AUTS2: variants seen among roughly 807,000 people sequenced by gnomAD.
AUTS2 encodes autism susceptibility gene 2 protein.
AUTS2 carries 17 observed loss-of-function variants against 112.4 expected under a neutral mutation model. The ratio of observed to expected loss-of-function variants is 0.15; its 90% CI spans 0.10 to 0.23. The LOEUF is 0.23. Among genes scored for constraint, AUTS2 ranks in the 10% least tolerant of loss-of-function variants. AUTS2 has a pLI of 1.00. For synonymous variants in AUTS2, 751 were observed against 702.7 expected (o/e 1.07, Z -1.09); for missense variants, 1,510 against 1,701.6 (o/e 0.89, Z 1.98).
At chr7:70,579,543 A>G (rs2129526925) in intron 5 of AUTS2, among the ~76,000 whole-genome samples, 1 of 152,304 alleles carries the variant, frequency 6.6e-6, no homozygotes, top group African/African-American at 2.4e-5. Context: ...ATATTTACCC[A>G]TGGAACATTC....
intron 4 of AUTS2, among the ~76,000 whole-genome samples, chr7:70,345,725 CG>C (rs1791465559): frequency 6.6e-6 from 1 of 152,188 alleles, no homozygotes; most frequent in Non-Finnish European, 1.5e-5. Flanking sequence ...TTGTATTACT[CG>C]CCAAGACTCT....
intron 4 of AUTS2, among the ~76,000 whole-genome samples, chr7:70,365,177 T>C (rs1792510426): frequency 6.6e-6 from 1 of 152,266 alleles, no homozygotes; most frequent in Non-Finnish European, 1.5e-5. Flanking sequence ...TCTCCCCTAG[T>C]ATCTTTACTA....
chr7:70,747,473 T>C (rs1217265554), intron 6 of AUTS2, among the ~76,000 whole-genome samples: 1 of 152,204 alleles, frequency 6.6e-6, no homozygotes, highest in Admixed American at 6.5e-5. Context: ...TATTATTTAT[T>C]TTTGAGACGG....
At chr7:70,415,268 G>A (rs968004899) in intron 4 of AUTS2, among the ~76,000 whole-genome samples, 11 of 152,288 alleles carry the variant, frequency 7.2e-5, no homozygotes, top group South Asian at 4.1e-4. Context: ...ACCACTAGCC[G>A]TAGAGCCTTG....
chr7:70,601,589 G>A (rs578016033), intron 5 of AUTS2, among the ~76,000 whole-genome samples: 2 of 152,290 alleles, frequency 1.3e-5, no homozygotes, highest in East Asian at 3.9e-4. Flanking sequence ...AGAAAGACAC[G>A]GTGTGACTTG....
rs1259070933 is a variant in AUTS2 at position 70,456,886 on chromosome 7, G to A, written c.690+21105G>A. On this transcript the variant is annotated intron_variant, in intron 5 of 18. Transcript: ENST00000342771. ...GGAGTGTGAAGTGTGACTTGCTTGG[G>A]CCCCTGCAGCCTTGCCTCCCTGCAG... 1.3e-5 allele frequency among the ~76,000 whole-genome samples: 2 copies of A among 152,196 alleles called. 1 individual carries two copies. Among genetic ancestry groups the A allele is most frequent in the Non-Finnish European group, 2.9e-5 (2 of 68,034 alleles).
At chr7:70,371,523 T>C (rs1355033256) in intron 4 of AUTS2, among the ~76,000 whole-genome samples, 1 of 152,216 alleles carries the variant, frequency 6.6e-6, no homozygotes, top group Non-Finnish European at 1.5e-5. Context: ...GTGTGGTTCA[T>C]AAAATCAATT....
chr7:70,585,071 A>T (rs941903996), intron 5 of AUTS2, among the ~76,000 whole-genome samples: 1 of 152,160 alleles, frequency 6.6e-6, no homozygotes, highest in Non-Finnish European at 1.5e-5. Flanking sequence ...CACTATTTCA[A>T]ATCTGAGGGG....
intron 6 of AUTS2, among the ~76,000 whole-genome samples, chr7:70,715,049 T>A (rs1406248714): frequency 6.6e-6 from 1 of 152,232 alleles, no homozygotes; most frequent in Non-Finnish European, 1.5e-5. Context: ...TATTCCACAT[T>A]TATTGGCTGA....
At chr7:70,738,235 C>G (rs1487275646) in intron 6 of AUTS2, among the ~76,000 whole-genome samples, 4 of 152,094 alleles carry the variant, frequency 2.6e-5, no homozygotes, top group African/African-American at 4.8e-5. Flanking sequence ...ACAAATGACC[C>G]GTTCTCACTG....
intron 1 of AUTS2, among the ~76,000 whole-genome samples, chr7:69,729,200 AATAC>A (rs908225257): frequency 2.0e-5 from 3 of 152,136 alleles, no homozygotes; most frequent in African/African-American, 7.2e-5. Flanking sequence ...ATACATATAT[AATAC>A]ATACATATGT....
intron 4 of AUTS2, among the ~76,000 whole-genome samples, chr7:70,421,085 C>G (rs1795198323): frequency 6.6e-6 from 1 of 151,996 alleles, no homozygotes; most frequent in Non-Finnish European, 1.5e-5. Context: ...TCACCTTTAG[C>G]TAAATAGGGG....
intron 4 of AUTS2, among the ~76,000 whole-genome samples, chr7:70,170,711 G>A (rs1477049004): frequency 2.0e-5 from 3 of 151,190 alleles, no homozygotes; most frequent in Admixed American, 6.6e-5. Flanking sequence ...GGGTTCAAGC[G>A]ATTCTCCTAC....
At chr7:69,920,045 T>A (rs1369662884) in intron 2 of AUTS2, among the ~76,000 whole-genome samples, 1 of 125,208 alleles carries the variant, frequency 8.0e-6, no homozygotes, top group Non-Finnish European at 1.6e-5. Context: ...GAGATTAATA[T>A]GAGATAGTGT....
intron 4 of AUTS2, among the ~76,000 whole-genome samples, chr7:70,425,875 T>G (rs1795414990): frequency 6.6e-6 from 1 of 152,244 alleles, no homozygotes; most frequent in Non-Finnish European, 1.5e-5. Flanking sequence ...TTCTAACATC[T>G]ATTGATTGCT....
rs564768462 is a variant in AUTS2 at position 70,479,500 on chromosome 7, C to T, written c.690+43719C>T. ...TCCACAGTGTCAACCTCAAGCCCTG[C>T]CCTCCACGAGTAGCCTAGACACCGT... On this transcript the variant is annotated intron_variant, in intron 5 of 18. Coordinates refer to ENST00000342771, the MANE Select transcript of AUTS2 (RefSeq NM_015570.4). Among the ~76,000 whole-genome samples the T allele has an allele frequency of 3.3e-5, 5 of 152,310 alleles. No individual in the cohort carries two copies. The South Asian group carries it at 1.0e-3, about 32-fold the overall frequency.
intron 6 of AUTS2, among the ~76,000 whole-genome samples, chr7:70,761,265 C>A (rs1046907902): frequency 6.6e-6 from 1 of 152,148 alleles, no homozygotes; most frequent in African/African-American, 2.4e-5. Flanking sequence ...GTGATTACAC[C>A]TGTGAATATC....
intron 4 of AUTS2, among the ~76,000 whole-genome samples, chr7:70,139,176 A>G (rs1806722442): frequency 6.6e-6 from 1 of 152,148 alleles, no homozygotes; most frequent in Admixed American, 6.5e-5. Flanking sequence ...CGTGTTGCCA[A>G]GGCTGGTCTT....
At chr7:69,972,670 C>CGTGTGTGTGT (rs1563005976) in intron 2 of AUTS2, among the ~76,000 whole-genome samples, 5 of 111,556 alleles carry the variant, frequency 4.5e-5, no homozygotes, top group African/African-American at 1.8e-4. Flanking sequence ...TGTGTGCGTG[C>CGTGTGTGTGT]ATGTGTGTGT....
Sources: allele counts gnomAD v4.1 joint callset (sites outside exome capture counted in the v4.1 genomes callset), GRCh38; gene constraint gnomAD v4.1.1; transcripts MANE v1.5; gene names NCBI Gene and HGNC (gene_info 2026-07-23, HGNC 2026-07-21).